CSTPP1: variants seen among roughly 807,000 people sequenced by gnomAD.
CSTPP1 encodes the protein centriolar satellite-associated tubulin polyglutamylase complex regulator 1.
At chr11:47,161,205 G>A in the CSTPP1 span, 2 of 1,614,190 alleles carry the variant, frequency 1.2e-6, no homozygotes, top group South Asian at 1.1e-5. Flanking sequence ...GTGTCAAGTG[G>A]GAGGATACTG....
At chr11:47,123,842 A>C in the CSTPP1 span, among the ~76,000 whole-genome samples, 1 of 152,134 alleles carries the variant, frequency 6.6e-6, no homozygotes, top group Admixed American at 6.5e-5. Flanking sequence ...CTCTACTAAA[A>C]ATACAAAAAT....
At chr11:47,137,428 G>A in the CSTPP1 span, 3 of 1,512,460 alleles carry the variant, frequency 2.0e-6, no homozygotes, top group African/African-American at 4.2e-5. Context: ...GGTCAAAATG[G>A]TGTAACTGGA....
chr11:47,048,704 G>A, the CSTPP1 span, among the ~76,000 whole-genome samples: 8 of 152,146 alleles, frequency 5.3e-5, no homozygotes, highest in African/African-American at 1.9e-4. Flanking sequence ...TTGTTTAATT[G>A]ATGTAGAGTT....
chr11:47,011,487 G>C, the CSTPP1 span, among the ~76,000 whole-genome samples: 1 of 152,150 alleles, frequency 6.6e-6, no homozygotes, highest in African/African-American at 2.4e-5. Flanking sequence ...GCCATAGAAG[G>C]CTCCAAGTTT....
At chr11:47,156,379 G>A in the CSTPP1 span, among the ~76,000 whole-genome samples, 4 of 152,252 alleles carry the variant, frequency 2.6e-5, no homozygotes, top group Non-Finnish European at 4.4e-5. Flanking sequence ...CCAGCGGTGT[G>A]TGTAGAGACG....
chr11:47,163,349 G>A, the CSTPP1 span, among the ~76,000 whole-genome samples: 2 of 152,142 alleles, frequency 1.3e-5, no homozygotes, highest in African/African-American at 2.4e-5. Context: ...ACTTGGGATG[G>A]AGTCCAGAAA....
chr11:47,124,835 G>A, the CSTPP1 span, among the ~76,000 whole-genome samples: 1 of 152,170 alleles, frequency 6.6e-6, no homozygotes, highest in Non-Finnish European at 1.5e-5. Context: ...GCCAGTCTCA[G>A]TGAAAGATAA....
the CSTPP1 span, among the ~76,000 whole-genome samples, chr11:47,002,922 A>G: frequency 6.6e-6 from 1 of 152,222 alleles, no homozygotes; most frequent in African/African-American, 2.4e-5. Context: ...CCACTCTGAT[A>G]ATTCCCTGAA....
the CSTPP1 span, among the ~76,000 whole-genome samples, chr11:47,118,736 G>A: frequency 6.6e-6 from 1 of 152,214 alleles, no homozygotes; most frequent in African/African-American, 2.4e-5. Context: ...GTTGGAGTTT[G>A]CTGGAGTTCC....
chr11:47,100,525 C>T, the CSTPP1 span, among the ~76,000 whole-genome samples: 3 of 152,166 alleles, frequency 2.0e-5, no homozygotes, highest in Admixed American at 6.5e-5. Flanking sequence ...GGTGTGGTGG[C>T]GCATGCCTGT....
At chr11:47,030,999 A>G in the CSTPP1 span, among the ~76,000 whole-genome samples, 4 of 152,366 alleles carry the variant, frequency 2.6e-5, no homozygotes, top group African/African-American at 7.2e-5. Context: ...ATTACTGAGT[A>G]TATACCCAAA....
the CSTPP1 span, among the ~76,000 whole-genome samples, chr11:46,960,572 C>T: frequency 2.6e-5 from 4 of 152,182 alleles, no homozygotes; most frequent in East Asian, 1.9e-4. Flanking sequence ...TAAGATTCAT[C>T]GATGTTTGCT....
the CSTPP1 span, among the ~76,000 whole-genome samples, chr11:47,032,477 T>A: frequency 9.2e-5 from 14 of 152,212 alleles, 1 homozygote; most frequent in Admixed American, 8.5e-4. Context: ...ACAAACATAT[T>A]TGACTAAAGA....
At chr11:46,949,546 A>G in the CSTPP1 span, among the ~76,000 whole-genome samples, 1 of 152,204 alleles carries the variant, frequency 6.6e-6, no homozygotes, top group Admixed American at 6.5e-5. Flanking sequence ...TTCTTCCAAT[A>G]AATATTTATT....
the CSTPP1 span, among the ~76,000 whole-genome samples, chr11:47,020,367 CT>C: frequency 1.3e-5 from 2 of 152,076 alleles, no homozygotes; most frequent in African/African-American, 4.8e-5. Flanking sequence ...AATTAAAAGC[CT>C]ATTTGGTTTT....
the CSTPP1 span, among the ~76,000 whole-genome samples, chr11:46,969,656 G>A: frequency 0.023 from 3,461 of 152,246 alleles, 52 homozygotes; most frequent in Middle Eastern, 0.048. Context: ...ATAAATTGTG[G>A]TATATTCAAC....
chr11:47,039,127 G>C, the CSTPP1 span, among the ~76,000 whole-genome samples: 3 of 126,906 alleles, frequency 2.4e-5, no homozygotes, highest in African/African-American at 7.4e-5. Context: ...CTGCAATCTC[G>C]GCACTTTGGG....
At chr11:47,010,235 T>G in the CSTPP1 span, among the ~76,000 whole-genome samples, 1 of 152,210 alleles carries the variant, frequency 6.6e-6, no homozygotes, top group African/African-American at 2.4e-5. Context: ...AAGTTTAGTG[T>G]GCCTTGGCAA....
At chr11:47,060,147 C>CAG in the CSTPP1 span, among the ~76,000 whole-genome samples, 1 of 149,776 alleles carries the variant, frequency 6.7e-6, no homozygotes, top group Non-Finnish European at 1.5e-5. Context: ...AACTGAGAGT[C>CAG]AGAGGATTAA....
Sources: gnomAD v4.1 joint callset for allele counts (sites outside exome capture counted in the v4.1 genomes callset) on GRCh38, gnomAD v4.1.1 for gene constraint, MANE v1.5 for transcripts, NCBI Gene and HGNC (gene_info 2026-07-23, HGNC 2026-07-21) for gene names.